The following DOCK8 variants were observed in gnomAD, a reference collection of about 807,000 sequenced individuals.
DOCK8 encodes the protein dedicator of cytokinesis protein 8.
In DOCK8, 141 loss-of-function variants were observed where a neutral mutation model predicts 245.6. The observed-to-expected ratio is 0.57, with a 90% CI of 0.50 to 0.66. The LOEUF (loss-of-function observed/expected upper bound fraction) is 0.66, where lower values mean the gene tolerates loss of function less well. Among genes scored for constraint, DOCK8 ranks in the 30% least tolerant of loss-of-function variants. The pLI, the probability that DOCK8 is intolerant of heterozygous loss-of-function variation, is 0.00. For synonymous variants in DOCK8, 1,168 were observed against 970.2 expected (o/e 1.20, Z -3.79); for missense variants, 2,965 against 2,603.4 (o/e 1.14, Z -3.02).
chr9:289,705 T>G (rs2048962059), intron 4 of DOCK8, 124 bp downstream of exon 4: 2 of 780,668 alleles, frequency 2.6e-6, no homozygotes, highest in Non-Finnish European at 4.1e-6. Flanking sequence ...AATAGAGTTC[T>G]CATGTATGCC....
At chr9:287,797 TGAA>T (rs1462743009) in intron 3 of DOCK8, among the ~76,000 whole-genome samples, 3 of 152,212 alleles carry the variant, frequency 2.0e-5, no homozygotes, top group Non-Finnish European at 4.4e-5. Context: ...TCATCTTTAG[TGAA>T]GAATCATTTA....
intron 40 of DOCK8, among the ~76,000 whole-genome samples, chr9:440,477 T>C (rs1302504607): frequency 6.6e-6 from 1 of 152,240 alleles, no homozygotes; most frequent in Non-Finnish European, 1.5e-5. Context: ...TACAATTTTA[T>C]TTATTTTAAT....
At chr9:399,611 G>A (rs994119653) in intron 26 of DOCK8, among the ~76,000 whole-genome samples, 1 of 152,030 alleles carries the variant, frequency 6.6e-6, no homozygotes, top group African/African-American at 2.4e-5. Context: ...CCCAGTCTGA[G>A]GTCTCTTTTC....
intron 26 of DOCK8, among the ~76,000 whole-genome samples, chr9:400,070 T>TCACCATCACCAC (rs1564011951): frequency 3.4e-4 from 11 of 31,974 alleles, no homozygotes; most frequent in Non-Finnish European, 1.7e-4. Flanking sequence ...TCCTTCACCA[T>TCACCATCACCAC]CACCATCACC....
chr9:418,070 G>A lies in DOCK8; in HGVS notation c.3703G>A (p.Ala1235Thr). ...CACAAACGATGTTTTCATTGCAGTT[G>A]CAGATACTCGCAGATACCGCACCAG... The part of the protein sequence containing the change: ...ALPQLCDFTV[A>T]DTRRYRTSGS... The change falls in exon 30 of 48, where the codon GCA (alanine) becomes ACA (threonine). Residue 1235 changes from alanine (A) to threonine (T), a missense_variant and splice_region_variant. By Grantham distance (58) the Ala-to-Thr change is moderately conservative. Around this residue, in one of 3 missense-constraint regions of DOCK8, gnomAD observed 2,825 missense variants for 2,453.5 expected, o/e 1.15. Coordinates refer to ENST00000432829, the MANE Select transcript of DOCK8 (RefSeq NM_203447.4). 6.2e-7 allele frequency: 1 copy of A among 1,614,176 alleles called. No individual in the cohort carries two copies.
chr9:280,852 A>C (rs2048548725), intron 2 of DOCK8: 1 of 152,250 alleles, frequency 6.6e-6, no homozygotes, highest in South Asian at 2.1e-4. Context: ...AAGGAATTCA[A>C]GGAAATGTAG....
intron 24 of DOCK8, among the ~76,000 whole-genome samples, chr9:393,739 A>AC (rs1354055698): frequency 6.6e-6 from 1 of 152,218 alleles, no homozygotes; most frequent in Non-Finnish European, 1.5e-5. Flanking sequence ...GGGTTTGTCA[A>AC]CATGCAGATC....
rs1223567610 is a variant in DOCK8 at position 414,933 on chromosome 9, C to G, written c.3682C>G (p.Gln1228Glu). 1.2e-6 allele frequency: 2 copies of G among 1,613,840 alleles called. No individual in the cohort carries two copies. The highest frequency in any genetic ancestry group is 1.7e-5 in the Admixed American group (1 of 60,028). The change falls in exon 29 of 48, where the codon CAG (glutamine) becomes GAG (glutamate). Residue 1228 changes from glutamine (Q) to glutamate (E), a missense_variant. Physicochemically the swap from Gln to Glu is conservative, Grantham distance 29. Coordinates refer to ENST00000432829, the MANE Select transcript of DOCK8 (RefSeq NM_203447.4). Reference protein sequence around the residue: ...LVGIILDALPQLCDFTVADTR... With the variant: ...LVGIILDALPELCDFTVADTR... ...TGGCATCATTTTGGATGCTTTGCCACAGCTCTGTGACTTTACAGGTAATGG... is the reference window on the plus strand; with the variant it reads ...TGGCATCATTTTGGATGCTTTGCCAGAGCTCTGTGACTTTACAGGTAATGG...
At chr9:458,980 T>C (rs2057725625) in intron 46 of DOCK8, among the ~76,000 whole-genome samples, 1 of 152,180 alleles carries the variant, frequency 6.6e-6, no homozygotes, top group Non-Finnish European at 1.5e-5. Flanking sequence ...TCCCTATCAA[T>C]CTGGTTTCTG....
chr9:248,524 CCTCTCTCTCTTTCTTTCTTTCTTTCTCT>C (rs59725478), intron 1 of DOCK8, among the ~76,000 whole-genome samples: 35,369 of 149,360 alleles, frequency 0.24, 4,763 homozygotes, highest in East Asian at 0.38. Flanking sequence ...TCCTTCCCTC[CCTCTCTCTCTTTCTTTCTTTCTTTCTCT>C]CTCTCTCTCT....
chr9:354,799 C>T (rs112829945), intron 14 of DOCK8, among the ~76,000 whole-genome samples: 2,161 of 152,252 alleles, frequency 0.014, 62 homozygotes, highest in African/African-American at 0.05. Context: ...CAATTGGCTT[C>T]GTCAAAACAA....
At chr9:229,638 A>C (rs1289996687) in intron 1 of DOCK8, among the ~76,000 whole-genome samples, 2 of 152,176 alleles carry the variant, frequency 1.3e-5, no homozygotes, top group African/African-American at 4.8e-5. Flanking sequence ...GAGTTACCAA[A>C]TAAGCTTAGA....
chr9:283,301 A>G (rs1245412604), intron 2 of DOCK8, among the ~76,000 whole-genome samples: 1 of 152,226 alleles, frequency 6.6e-6, no homozygotes, highest in African/African-American at 2.4e-5. Context: ...CCAAAATCTG[A>G]AACTTTTTTT....
Position 311,994 on chromosome 9 carries a change from G to C in DOCK8, c.569G>C (p.Gly190Ala). Residue 190 changes from glycine (G) to alanine (A), a missense_variant, in exon 6 of 48, where the codon GGG becomes GCG. By Grantham distance (60) the Gly-to-Ala change is moderately conservative. This residue lies in a region of DOCK8 where 2,825 missense variants were observed against 2,453.5 expected (regional missense o/e 1.15). Transcript: ENST00000432829. ...TTAAACGTGCTGTGCGACGTGTCTG[G>C]GAAAGGCCCCGTCACTGCCTGTGAC... ...RHLNVLCDVS[G>A]KGPVTACDFD... 6 of 1,614,180 alleles carry C rather than the reference G, an allele frequency of 3.7e-6. No individual in the cohort carries two copies. Among genetic ancestry groups the C allele is most frequent in the Non-Finnish European group, 5.1e-6 (6 of 1,180,036 alleles).
chr9:374,167 A>G (rs1157385900), intron 18 of DOCK8, among the ~76,000 whole-genome samples: 1 of 152,210 alleles, frequency 6.6e-6, no homozygotes, highest in Non-Finnish European at 1.5e-5. Flanking sequence ...CCTTTTTCTT[A>G]CTTGCGCTAT....
chr9:450,566 G>T (rs973142327), intron 45 of DOCK8, among the ~76,000 whole-genome samples: 2 of 152,144 alleles, frequency 1.3e-5, no homozygotes, highest in East Asian at 1.9e-4. Flanking sequence ...TTCAAATCTA[G>T]ATCTGTTCTT....
chr9:369,822 G>C (rs1222034345), intron 15 of DOCK8: 1 of 218,738 alleles, frequency 4.6e-6, no homozygotes, highest in East Asian at 1.2e-4. Flanking sequence ...TTTTCTTTTT[G>C]AGACAGGATC....
At chr9:384,499 C>A (rs1220102700) in intron 22 of DOCK8, among the ~76,000 whole-genome samples, 1 of 152,210 alleles carries the variant, frequency 6.6e-6, no homozygotes, top group Non-Finnish European at 1.5e-5. Flanking sequence ...GGCTGGGCGC[C>A]AATACTGCCC....
chr9:385,980 A>T (rs1347881150), intron 22 of DOCK8, among the ~76,000 whole-genome samples: 1 of 152,204 alleles, frequency 6.6e-6, no homozygotes, highest in African/African-American at 2.4e-5. Context: ...AGCGTGGTGC[A>T]GTACCGTACT....
Sources: gnomAD v4.1 joint callset for allele counts (sites outside exome capture counted in the v4.1 genomes callset) on GRCh38, gnomAD v4.1.1 for gene constraint, gnomAD v4.1.1 regional missense constraint, MANE v1.5 for transcripts, NCBI Gene and HGNC (gene_info 2026-07-23, HGNC 2026-07-21) for gene names.